Variants in FCHSD2 observed in about 807,000 individuals in gnomAD.
The protein encoded by FCHSD2 is FCH and double SH3 domains 2.
In FCHSD2, 38 loss-of-function variants were observed where a neutral mutation model predicts 108.1. The ratio of observed to expected loss-of-function variants is 0.35; its 90% CI spans 0.27 to 0.46. The LOEUF (loss-of-function observed/expected upper bound fraction) is 0.46, where lower values mean the gene tolerates loss of function less well. Ranked by LOEUF, FCHSD2 falls within the 20% of genes least tolerant of loss-of-function variation. FCHSD2 has a pLI of 1.00. For synonymous variants in FCHSD2, 279 were observed against 314.7 expected, an observed-to-expected ratio of 0.89 and a Z score of 1.20; for missense variants, 751 against 897.8, an observed-to-expected ratio of 0.84 and a Z score of 2.09.
At chr11:73,065,366 A>G (rs2135492449) in intron 3 of FCHSD2, among the ~76,000 whole-genome samples, 1 of 152,312 alleles carries the variant, frequency 6.6e-6, no homozygotes, top group East Asian at 1.9e-4. Flanking sequence ...TCAAAATAAT[A>G]AGAGCTATTT....
intron 3 of FCHSD2, among the ~76,000 whole-genome samples, chr11:73,064,272 G>A (rs1024392728): frequency 2.6e-5 from 4 of 152,124 alleles, no homozygotes; most frequent in African/African-American, 9.7e-5. Flanking sequence ...GAATCTCTGG[G>A]ACACATTTAA....
At chr11:73,042,135 C>T (rs549161982) in intron 3 of FCHSD2, among the ~76,000 whole-genome samples, 13 of 152,228 alleles carry the variant, frequency 8.5e-5, no homozygotes, top group Admixed American at 3.9e-4. Context: ...CTGTGTTGGC[C>T]AGGCTGGTCT....
At chr11:73,100,334 TTTGTTGTTGTTG>T (rs56104404) in intron 2 of FCHSD2, among the ~76,000 whole-genome samples, 516 of 149,066 alleles carry the variant, frequency 3.5e-3, no homozygotes, top group South Asian at 0.012. Flanking sequence ...TTTACATGCT[TTTGTTGTTGTTG>T]TTGTTGTTGT....
chr11:72,843,943 G>C (rs1861046243), intron 14 of FCHSD2, among the ~76,000 whole-genome samples: 1 of 151,926 alleles, frequency 6.6e-6, no homozygotes, highest in Non-Finnish European at 1.5e-5. Context: ...GGGAGGTTGA[G>C]GCTGCAGTGA....
At chr11:72,866,968 T>A (rs952714055) in intron 13 of FCHSD2, among the ~76,000 whole-genome samples, 1 of 152,212 alleles carries the variant, frequency 6.6e-6, no homozygotes, top group Non-Finnish European at 1.5e-5. Flanking sequence ...AACCATTCAC[T>A]CCTTCCTTCA....
chr11:72,940,772 TA>T, intron 8 of FCHSD2: 1 of 856,270 alleles, frequency 1.2e-6, no homozygotes, highest in Non-Finnish European at 2.0e-6. Context: ...GTTAATCAGC[TA>T]AAGTTTGCCT....
At chr11:73,133,929 T>C (rs958956019) in intron 2 of FCHSD2, among the ~76,000 whole-genome samples, 1 of 151,698 alleles carries the variant, frequency 6.6e-6, no homozygotes, top group Non-Finnish European at 1.5e-5. Context: ...TGCTAATGGG[T>C]ACCAAGTTTC....
chr11:73,073,692 T>A (rs942930079), intron 3 of FCHSD2, among the ~76,000 whole-genome samples: 1 of 152,246 alleles, frequency 6.6e-6, no homozygotes, highest in Non-Finnish European at 1.5e-5. Flanking sequence ...AATAATTCTA[T>A]AAAATTATTC....
intron 3 of FCHSD2, among the ~76,000 whole-genome samples, chr11:73,019,623 T>C (rs1486764544): frequency 6.6e-6 from 1 of 152,138 alleles, no homozygotes; most frequent in Non-Finnish European, 1.5e-5. Context: ...GATGAAAGAC[T>C]TTATTCAAGT....
chr11:72,914,433 G>A (rs1389822243), intron 9 of FCHSD2, among the ~76,000 whole-genome samples: 1 of 152,064 alleles, frequency 6.6e-6, no homozygotes, highest in Non-Finnish European at 1.5e-5. Context: ...GAATAGCCAA[G>A]GCAATCCTAA....
chr11:72,966,288 T>A (rs1413814476), intron 8 of FCHSD2, among the ~76,000 whole-genome samples: 2 of 151,838 alleles, frequency 1.3e-5, no homozygotes, highest in East Asian at 3.9e-4. Context: ...GCCTCCTGAG[T>A]AGCTGGGATT....
intron 8 of FCHSD2, among the ~76,000 whole-genome samples, chr11:72,954,232 G>A (rs1315079999): frequency 7.8e-6 from 1 of 127,440 alleles, no homozygotes; most frequent in Non-Finnish European, 1.6e-5. Flanking sequence ...TTGAGACAGG[G>A]TCTCACTCTG....
chr11:73,006,995 A>G (rs776611320), intron 4 of FCHSD2, among the ~76,000 whole-genome samples: 17 of 152,212 alleles, frequency 1.1e-4, no homozygotes, highest in Non-Finnish European at 1.9e-4. Context: ...GGGCCTCTTC[A>G]TTCTGATATA....
intron 12 of FCHSD2, among the ~76,000 whole-genome samples, chr11:72,875,682 A>T (rs1035789619): frequency 1.3e-5 from 2 of 152,204 alleles, no homozygotes; most frequent in African/African-American, 4.8e-5. Flanking sequence ...AATCAAGGTC[A>T]CACCAACTGT....
chr11:72,934,214 A>C (rs182723977), intron 8 of FCHSD2, among the ~76,000 whole-genome samples: 7 of 151,754 alleles, frequency 4.6e-5, no homozygotes, highest in Non-Finnish European at 1.0e-4. Flanking sequence ...ATGCATCTGT[A>C]TCTTGTCTAG....
intron 3 of FCHSD2, among the ~76,000 whole-genome samples, chr11:73,035,341 T>G (rs1301126597): frequency 6.6e-6 from 1 of 152,110 alleles, no homozygotes; most frequent in Non-Finnish European, 1.5e-5. Context: ...TCCTGGCTTG[T>G]ATTTTTTGTA....
intron 13 of FCHSD2, among the ~76,000 whole-genome samples, chr11:72,858,867 A>G (rs754779378): frequency 2.4e-4 from 37 of 152,240 alleles, no homozygotes; most frequent in Non-Finnish European, 5.1e-4. Context: ...CCTGTCAGAA[A>G]CAACTGAAAA....
At chr11:72,884,590 T>C (rs1369410882) in intron 12 of FCHSD2, among the ~76,000 whole-genome samples, 2 of 147,128 alleles carry the variant, frequency 1.4e-5, no homozygotes, top group African/African-American at 5.0e-5. Context: ...AGATCATATA[T>C]ATATATATAA....
At chr11:72,839,288 G>T (rs1339609807) in intron 19 of FCHSD2, among the ~76,000 whole-genome samples, 1 of 152,182 alleles carries the variant, frequency 6.6e-6, no homozygotes, top group Non-Finnish European at 1.5e-5. Context: ...GTTAAACCAT[G>T]TTTAAACATC....
Sources: gnomAD v4.1 joint callset for allele counts (sites outside exome capture counted in the v4.1 genomes callset) on GRCh38, gnomAD v4.1.1 for gene constraint, MANE v1.5 for transcripts, NCBI Gene and HGNC (gene_info 2026-07-23, HGNC 2026-07-21) for gene names.